The following SDCCAG8 variants were observed in gnomAD, a reference collection of about 807,000 sequenced individuals.
SDCCAG8 encodes serologically defined colon cancer antigen 8.
SDCCAG8 carries 74 observed loss-of-function variants against 101.8 expected under a neutral mutation model. The ratio of observed to expected loss-of-function variants is 0.73; its 90% CI spans 0.60 to 0.88. The LOEUF (loss-of-function observed/expected upper bound fraction) is 0.88. Ranked by LOEUF, SDCCAG8 falls within the 40% of genes least tolerant of loss-of-function variation. The pLI is 0.00. For synonymous variants in SDCCAG8, 281 were observed against 292.9 expected, an observed-to-expected ratio of 0.96 and a Z score of 0.41; for missense variants, 787 against 822.6, an observed-to-expected ratio of 0.96 and a Z score of 0.53.
intron 10 of SDCCAG8, 151 bp downstream of exon 10, chr1:243,330,843 T>G (rs1278932814): frequency 4.1e-6 from 3 of 731,856 alleles, no homozygotes; most frequent in Non-Finnish European, 6.8e-6. Context: ...TTAGAATTCA[T>G]AAAAATGTTT....
At chr1:243,290,335 G>T (rs924621489) in intron 5 of SDCCAG8, among the ~76,000 whole-genome samples, 1 of 151,870 alleles carries the variant, frequency 6.6e-6, no homozygotes, top group East Asian at 1.9e-4. Flanking sequence ...ATCTGTGAAA[G>T]AACAAAATGT....
At chr1:243,270,854 A>G in intron 2 of SDCCAG8, 124 bp from the exon 3 acceptor site, 1 of 723,098 alleles carries the variant, frequency 1.4e-6, no homozygotes, top group South Asian at 1.5e-5. Flanking sequence ...TTGTATCCCC[A>G]GTTGATAGCA....
chr1:243,466,405 G>A (rs926475922), intron 16 of SDCCAG8, among the ~76,000 whole-genome samples: 1 of 152,206 alleles, frequency 6.6e-6, no homozygotes, highest in African/African-American at 2.4e-5. Context: ...ATTCACTAGA[G>A]AGAAGAGTAG....
Position 243,499,749 on chromosome 1 carries a change from T to A in SDCCAG8, c.2113-7T>A. ...TATTGAAACTTACTTTTTATTATTTTTTCCAGTTACCCAGCATGCCACAAT... is the reference window on the plus strand; with the variant it reads ...TATTGAAACTTACTTTTTATTATTTATTCCAGTTACCCAGCATGCCACAAT... On this transcript the variant is annotated splice_region_variant and splice_polypyrimidine_tract_variant and intron_variant, in intron 17 of 17. Transcript: ENST00000366541. 1 of 1,609,972 alleles carries A rather than the reference T, an allele frequency of 6.2e-7. No individual in the cohort carries two copies. The highest frequency in any genetic ancestry group is 8.5e-7 in the Non-Finnish European group (1 of 1,176,408).
intron 13 of SDCCAG8, among the ~76,000 whole-genome samples, chr1:243,382,890 C>T (rs955225642): frequency 6.6e-6 from 1 of 152,170 alleles, no homozygotes; most frequent in African/African-American, 2.4e-5. Context: ...TGTAAGTTTT[C>T]TAGCCCAAAT....
At chr1:243,277,269 TGA>T (rs754216710) in intron 4 of SDCCAG8, among the ~76,000 whole-genome samples, 22 of 152,244 alleles carry the variant, frequency 1.4e-4, no homozygotes, top group Admixed American at 1.3e-4. Flanking sequence ...ATGCAGTAAA[TGA>T]GAGTTCCTAA....
intron 13 of SDCCAG8, among the ~76,000 whole-genome samples, chr1:243,381,039 A>G (rs2077913733): frequency 6.6e-6 from 1 of 152,004 alleles, no homozygotes; most frequent in South Asian, 2.1e-4. Flanking sequence ...GTTCTTTTTC[A>G]GTGTAGATCA....
intron 1 of SDCCAG8, among the ~76,000 whole-genome samples, chr1:243,265,579 A>G (rs2067516925): frequency 6.6e-6 from 1 of 152,184 alleles, no homozygotes; most frequent in African/African-American, 2.4e-5. Flanking sequence ...TTGGGAGGCC[A>G]AGGTGGGTGG....
intron 12 of SDCCAG8, among the ~76,000 whole-genome samples, chr1:243,366,874 G>A (rs558900285): frequency 2.0e-5 from 3 of 151,854 alleles, no homozygotes; most frequent in Admixed American, 2.0e-4. Context: ...AAATTATCTG[G>A]CCATCTGGAT....
At chr1:243,408,663 G>A (rs960559680) in intron 13 of SDCCAG8, among the ~76,000 whole-genome samples, 1 of 152,076 alleles carries the variant, frequency 6.6e-6, no homozygotes, top group Non-Finnish European at 1.5e-5. Flanking sequence ...GATTCACTGT[G>A]GACTTTAGAG....
chr1:243,413,206 T>C (rs2080304761), intron 13 of SDCCAG8, among the ~76,000 whole-genome samples: 1 of 152,202 alleles, frequency 6.6e-6, no homozygotes, highest in Admixed American at 6.5e-5. Context: ...TTATTTTTTA[T>C]TTTTATTTAT....
chr1:243,406,291 G>T (rs1043427503), intron 13 of SDCCAG8, among the ~76,000 whole-genome samples: 1 of 152,160 alleles, frequency 6.6e-6, no homozygotes, highest in Admixed American at 6.5e-5. Flanking sequence ...TGTATAATAG[G>T]ATACAGTAGT....
rs995429847 is a variant in SDCCAG8, at chr1:243,474,690, A to G, written c.1986-14324A>G. 1.3e-5 allele frequency among the ~76,000 whole-genome samples: 2 copies of G among 152,190 alleles called. No individual in the cohort carries two copies. The highest frequency in any genetic ancestry group is 6.5e-5 in the Admixed American group (1 of 15,290). On this transcript the variant is annotated intron_variant, in intron 16 of 17. Transcript: ENST00000366541. The surrounding 1 kb of genome is among the most constrained non-coding windows in gnomAD (Gnocchi z 4.7). ...GGTCTGTTCCACCTGCAGAGGCACA[A>G]TTGCCCAGCGTGGGGTGGAAGGCAG... is the stretch of plus-strand genomic sequence containing the variant.
At chr1:243,330,486 C>A in intron 9 of SDCCAG8, 54 bp from the exon 10 acceptor site, 1 of 1,567,866 alleles carries the variant, frequency 6.4e-7, no homozygotes, top group Non-Finnish European at 8.8e-7. Context: ...TGTCATTTTA[C>A]CTATATTTTT....
chr1:243,299,542 T>A (rs942439092), intron 6 of SDCCAG8, among the ~76,000 whole-genome samples: 5 of 151,944 alleles, frequency 3.3e-5, no homozygotes, highest in Admixed American at 6.6e-5. Context: ...GCCTCCCAAT[T>A]AGCTGGGATT....
intron 7 of SDCCAG8, 175 bp downstream of exon 7, chr1:243,304,952 C>T: frequency 1.7e-6 from 1 of 583,800 alleles, no homozygotes; most frequent in Admixed American, 3.3e-5. Flanking sequence ...AAATTGAGTT[C>T]TTTTCCAAAT....
rs1399412929 is a variant in SDCCAG8 at position 243,287,398 on chromosome 1, A to G, written c.546+1001A>G. ...TTGATGTTTCATTGGGATATCCTCT[A>G]ATTTTCGTTTTTGAAGTTTTTTTTT... On this transcript the variant is annotated intron_variant, in intron 5 of 17. Coordinates refer to ENST00000366541, the MANE Select transcript of SDCCAG8 (RefSeq NM_006642.5). 6.0e-5 allele frequency among the ~76,000 whole-genome samples: 9 copies of G among 148,898 alleles called. No individual in the cohort carries two copies. The East Asian group carries it at 1.8e-3, about 29-fold the overall frequency.
intron 13 of SDCCAG8, among the ~76,000 whole-genome samples, chr1:243,388,735 A>G (rs1573744987): frequency 6.6e-6 from 1 of 151,128 alleles, no homozygotes; most frequent in South Asian, 2.1e-4. Context: ...TTAGCCAGGC[A>G]TGGTTGTGCA....
chr1:243,481,275 G>A (rs1663700912), intron 16 of SDCCAG8, among the ~76,000 whole-genome samples: 2 of 152,178 alleles, frequency 1.3e-5, no homozygotes, highest in Admixed American at 6.5e-5. Context: ...TGAGAGACCT[G>A]TACAGAGTCT....
Sources: gnomAD v4.1 joint callset for allele counts (sites outside exome capture counted in the v4.1 genomes callset) on GRCh38, gnomAD v4.1.1 for gene constraint, Gnocchi (gnomAD v3.1) non-coding constraint, MANE v1.5 for transcripts, NCBI Gene and HGNC (gene_info 2026-07-23, HGNC 2026-07-21) for gene names.